Variants in PTPRD observed in about 807,000 individuals in gnomAD.
The protein encoded by PTPRD is protein tyrosine phosphatase receptor type D, also known as receptor-type tyrosine-protein phosphatase delta.
A neutral mutation model predicts 214.5 loss-of-function variants in PTPRD; 34 were observed. The ratio of observed to expected loss-of-function variants is 0.16; its 90% CI spans 0.12 to 0.21. PTPRD has a LOEUF of 0.21. Among genes scored for constraint, PTPRD ranks in the 10% least tolerant of loss-of-function variants. The pLI is 1.00. For missense variants in PTPRD, 2,545 were observed against 2,398.7 expected (o/e 1.06, Z -1.27); for synonymous variants, 1,128 against 845.7 (o/e 1.33, Z -5.79).
At chr9:9,952,945 G>A (rs1274787326) in intron 4 of PTPRD, among the ~76,000 whole-genome samples, 1 of 152,118 alleles carries the variant, frequency 6.6e-6, no homozygotes, top group Non-Finnish European at 1.5e-5. Context: ...AAGTAGAAGA[G>A]CCCTCATACT....
intron 8 of PTPRD, among the ~76,000 whole-genome samples, chr9:9,512,661 A>C (rs1489990330): frequency 6.6e-6 from 1 of 151,802 alleles, no homozygotes; most frequent in Non-Finnish European, 1.5e-5. Flanking sequence ...TCTTTCTTAA[A>C]ATTTTAAATA....
intron 12 of PTPRD, among the ~76,000 whole-genome samples, chr9:8,661,683 G>A (rs1213526291): frequency 6.6e-6 from 1 of 151,580 alleles, no homozygotes; most frequent in African/African-American, 2.4e-5. Flanking sequence ...TCTGCCATAT[G>A]CTGAGAAAAG....
At chr9:8,697,269 C>A (rs2097935260) in intron 12 of PTPRD, among the ~76,000 whole-genome samples, 1 of 152,094 alleles carries the variant, frequency 6.6e-6, no homozygotes, top group African/African-American at 2.4e-5. Flanking sequence ...CCATCCTCAG[C>A]TTAATAGCCA....
At chr9:9,947,479 ATTT>A in intron 4 of PTPRD, among the ~76,000 whole-genome samples, 1 of 26,320 alleles carries the variant, frequency 3.8e-5, no homozygotes, top group African/African-American at 1.6e-4. Context: ...TATTATATAT[ATTT>A]TATATATATT....
intron 6 of PTPRD, among the ~76,000 whole-genome samples, chr9:9,735,050 G>C (rs1488296415): frequency 6.6e-6 from 1 of 152,030 alleles, no homozygotes; most frequent in African/African-American, 2.4e-5. Flanking sequence ...GTAAAACCAT[G>C]AAAGATATTA....
intron 9 of PTPRD, among the ~76,000 whole-genome samples, chr9:9,373,704 A>G (rs866128322): frequency 4.6e-5 from 7 of 152,168 alleles, no homozygotes; most frequent in Middle Eastern, 3.4e-3. Flanking sequence ...TGATTACATT[A>G]GAGCCTATCA....
At chr9:9,679,484 C>T (rs1485542635) in intron 7 of PTPRD, among the ~76,000 whole-genome samples, 1 of 151,678 alleles carries the variant, frequency 6.6e-6, no homozygotes, top group Non-Finnish European at 1.5e-5. Context: ...ATGACGGATC[C>T]CCCTGTGAAT....
chr9:8,931,519 G>A (rs989476099), intron 11 of PTPRD, among the ~76,000 whole-genome samples: 15 of 152,154 alleles, frequency 9.9e-5, no homozygotes, highest in African/African-American at 3.6e-4. Context: ...GTAGCTTGAT[G>A]GGGATGGCAT....
intron 35 of PTPRD, among the ~76,000 whole-genome samples, 165 bp from the exon 36 acceptor site, chr9:8,404,825 C>CA (rs1448529828): frequency 1.3e-5 from 2 of 152,110 alleles, no homozygotes; most frequent in East Asian, 1.9e-4. Context: ...ACCAGCATAA[C>CA]AAAAAATGGT....
intron 10 of PTPRD, among the ~76,000 whole-genome samples, chr9:9,106,707 G>A (rs892932455): frequency 6.6e-6 from 1 of 150,526 alleles, no homozygotes; most frequent in Non-Finnish European, 1.5e-5. Context: ...GAAATATTGA[G>A]CAAACTCTGT....
intron 3 of PTPRD, among the ~76,000 whole-genome samples, chr9:10,119,209 T>A (rs1441508956): frequency 6.6e-6 from 1 of 151,966 alleles, no homozygotes; most frequent in Non-Finnish European, 1.5e-5. Context: ...CCCCCTTTTT[T>A]AACTATTACA....
chr9:8,554,489 T>C (rs1009619866), intron 14 of PTPRD, among the ~76,000 whole-genome samples: 2 of 152,162 alleles, frequency 1.3e-5, no homozygotes, highest in Non-Finnish European at 2.9e-5. Flanking sequence ...GAGTGTAGCA[T>C]GTGCTGGGAA....
Position 9,470,742 on chromosome 9 carries a change from T to C in PTPRD, c.-236-73260A>G, listed in dbSNP as rs557363423. Among the ~76,000 whole-genome samples the C allele has an allele frequency of 2.5e-3, 388 of 152,252 alleles. 2 individuals carry two copies. Among genetic ancestry groups the C allele is most frequent in the Admixed American group, 3.3e-3 (50 of 15,296 alleles). On this transcript the variant is annotated intron_variant, in intron 8 of 45. Coordinates refer to ENST00000381196, the MANE Select transcript of PTPRD (RefSeq NM_002839.4). The stretch of plus-strand genomic sequence containing the variant: ...TGTTTTGGTATTCAGGGGATAGGAA[T>C]TGGAAATCAGTGTAACAAGAGCCTC...
chr9:10,441,261 C>T (rs532369051), intron 2 of PTPRD, among the ~76,000 whole-genome samples: 14 of 151,734 alleles, frequency 9.2e-5, no homozygotes, highest in African/African-American at 3.4e-4. Flanking sequence ...TTGGAGCATA[C>T]GGTGAAAGGC....
intron 44 of PTPRD, among the ~76,000 whole-genome samples, chr9:8,321,555 G>A (rs1017275824): frequency 1.6e-5 from 2 of 126,184 alleles, no homozygotes; most frequent in Non-Finnish European, 3.3e-5. Context: ...AATTCCTTTA[G>A]CATTATACTA....
intron 8 of PTPRD, among the ~76,000 whole-genome samples, chr9:9,427,014 G>A (rs1397865538): frequency 1.3e-5 from 2 of 152,182 alleles, no homozygotes; most frequent in East Asian, 3.8e-4. Context: ...CTCCTCCAAA[G>A]GAATGTAGCT....
intron 2 of PTPRD, among the ~76,000 whole-genome samples, chr9:10,596,709 G>C (rs1386724539): frequency 6.6e-6 from 1 of 151,600 alleles, no homozygotes; most frequent in Non-Finnish European, 1.5e-5. Context: ...TAGTAGTAAA[G>C]AATGGGAAGT....
rs2134163700 is a variant in PTPRD at position 8,460,586 on chromosome 9, A to T, written c.3715-15T>A. 1 of 1,600,510 alleles carries T rather than the reference A, an allele frequency of 6.2e-7. No homozygotes were observed. Among genetic ancestry groups the T allele is most frequent in the Middle Eastern group, 1.7e-4 (1 of 5,950 alleles). On this transcript the variant is annotated splice_polypyrimidine_tract_variant and intron_variant, in intron 32 of 45. Transcript: ENST00000381196. ...GCATACATCTTCTGAGGAAAAGCAG[A>T]GTCTATTTCAGTTATAAAATAATGA...
chr9:9,634,626 C>A (rs1223928580), intron 7 of PTPRD, among the ~76,000 whole-genome samples: 1 of 152,046 alleles, frequency 6.6e-6, no homozygotes, highest in Non-Finnish European at 1.5e-5. Flanking sequence ...AATATGAACA[C>A]AAAATAAAAT....
Sources: allele counts gnomAD v4.1 joint callset (sites outside exome capture counted in the v4.1 genomes callset), GRCh38; gene constraint gnomAD v4.1.1; transcripts MANE v1.5; gene names NCBI Gene and HGNC (gene_info 2026-07-23, HGNC 2026-07-21).